The following ATP4A variants were observed in gnomAD, a reference collection of about 807,000 sequenced individuals.
The protein encoded by ATP4A is potassium-transporting ATPase alpha chain 1.
A neutral mutation model predicts 112.1 loss-of-function variants in ATP4A; 73 were observed. That is an observed-to-expected ratio of 0.65 (90% CI 0.54 to 0.79). The LOEUF (loss-of-function observed/expected upper bound fraction) is 0.79, where lower values mean the gene tolerates loss of function less well. ATP4A is among the 30% of genes least tolerant of loss of function. The pLI is 0.00. For missense variants in ATP4A, 1,081 were observed against 1,425.9 expected (o/e 0.76, Z 3.90); for synonymous variants, 588 against 588.9 (o/e 1.00, Z 0.02).
At chr19:35,562,352 C>A in intron 4 of ATP4A, 83 bp downstream of exon 4, 1 of 1,478,976 alleles carries the variant, frequency 6.8e-7, no homozygotes. Context: ...TCCTTCTCTG[C>A]CCCTCTTGTC....
rs766870345 is a variant in ATP4A, at chr19:35,560,417, C to T, written c.733G>A (p.Glu245Lys). The T allele has an allele frequency of 5.5e-5, 89 of 1,613,894 alleles. No homozygotes were observed. Among genetic ancestry groups the T allele is most frequent in the Non-Finnish European group, 6.6e-5 (78 of 1,180,012 alleles). The change falls in exon 6 of 22, where the codon GAG becomes AAG. Residue 245 changes from glutamate to lysine, a missense_variant. Transcript: ENST00000262623. The surrounding 1 kb of genome is among the most constrained non-coding windows in gnomAD (Gnocchi z 5.1). ...PQTRSPECTHESPLETRNIAF... is the reference protein window; with the variant it reads ...PQTRSPECTHKSPLETRNIAF... ...ATGTTGCGGGTCTCCAGAGGGCTCT[C>T]GTGCGTGCACTCGGGTGAGCGGGTC...
Position 35,560,748 on chromosome 19 carries a change from T to A in ATP4A, c.534+71A>T, listed in dbSNP as rs919942660. On this transcript the variant is annotated intron_variant, in intron 5 of 21. Coordinates refer to ENST00000262623, the MANE Select transcript of ATP4A (RefSeq NM_000704.3). This position sits in a 1 kb window ranked among gnomAD's most constrained non-coding sequence, Gnocchi z 5.1. ...AGGCCACAGATGAGGGACAGGGGCC[T>A]GATGGAAGGAGGCTACAGGAGCAGT... The A allele has an allele frequency of 3.8e-6, 6 of 1,587,300 alleles. No individual in the cohort carries two copies. In the African/African-American group the frequency reaches 8.1e-5, roughly 21 times the overall value.
chr19:35,552,631 T>C (rs2071607814), intron 18 of ATP4A, among the ~76,000 whole-genome samples: 1 of 152,218 alleles, frequency 6.6e-6, no homozygotes, highest in Admixed American at 6.5e-5. Context: ...TTAAGGGAAG[T>C]ATCCTCGTCT....
chr19:35,562,813 C>T (rs1329101017), intron 3 of ATP4A, among the ~76,000 whole-genome samples, 175 bp from the exon 4 acceptor site: 1 of 149,178 alleles, frequency 6.7e-6, no homozygotes, highest in Non-Finnish European at 1.5e-5. Flanking sequence ...CTTCATCTCT[C>T]CCTTTGTCTC....
chr19:35,555,757 AC>A lies in ATP4A; in HGVS notation c.1924del (p.Val642TrpfsTer22). 1.2e-6 allele frequency: 2 copies of A among 1,613,900 alleles called. No homozygotes were observed. Among genetic ancestry groups the A allele is most frequent in the Non-Finnish European group, 1.7e-6 (2 of 1,179,804 alleles). On this transcript the variant is annotated frameshift_variant, in exon 13 of 22. Coordinates refer to ENST00000262623, the MANE Select transcript of ATP4A (RefSeq NM_000704.3). LOFTEE classifies it high-confidence loss of function. The surrounding 1 kb of genome is among the most constrained non-coding windows in gnomAD (Gnocchi z 6.6). ...CTCGCTGCCTTCCGAGATGATGCCC[AC>A]ACTGGCTGCAATGGCCTTGGCGGTG... is the stretch of plus-strand genomic sequence containing the variant. ...PITAKAIAAS[V>X]GIISEGSETV...
At position 35,557,213 on chromosome 19, in the gene ATP4A, C is replaced by G; in HGVS notation, c.1694-125G>C. 1 of 1,060,260 alleles carries G rather than the reference C, an allele frequency of 9.4e-7. No individual in the cohort carries two copies. The highest frequency in any genetic ancestry group is 1.4e-6 in the Non-Finnish European group (1 of 731,784). 65.7% of individuals were successfully genotyped at this position (1,060,260 alleles called of 1,614,324 possible). ...CTATGGATGCCTGACCTTGTGCTGA[C>G]CCCTTCACTCACATTATCTGAATCT... On this transcript the variant is annotated intron_variant, in intron 11 of 21. Transcript: ENST00000262623. This position sits in a 1 kb window ranked among gnomAD's most constrained non-coding sequence, Gnocchi z 4.4.
At chr19:35,561,022 T>C (rs2071667906) in intron 4 of ATP4A, 90 bp from the exon 5 acceptor site, 1 of 1,125,280 alleles carries the variant, frequency 8.9e-7, no homozygotes, top group Admixed American at 1.9e-5. Flanking sequence ...CCTGGTTTTC[T>C]TGGTTTTCCC....
chr19:35,555,840 C>G lies in ATP4A; in HGVS notation c.1870-28G>C. ...GTAGGGGGAACCAGTGGATCACTGACCCCTTCAGATCAGCCCAATCTCCCT... is the reference window on the plus strand; with the variant it reads ...GTAGGGGGAACCAGTGGATCACTGAGCCCTTCAGATCAGCCCAATCTCCCT... On this transcript the variant is annotated intron_variant, in intron 12 of 21. Transcript: ENST00000262623. This position sits in a 1 kb window ranked among gnomAD's most constrained non-coding sequence, Gnocchi z 6.6. 5 of 1,587,122 alleles carry G rather than the reference C, an allele frequency of 3.2e-6. No homozygotes were observed. The highest frequency in any genetic ancestry group is 4.3e-6 in the Non-Finnish European group (5 of 1,160,634).
In ATP4A at chr19:35,550,787, C is replaced by T; in HGVS notation, c.3079+47G>A. On this transcript the variant is annotated intron_variant, in intron 21 of 21. Coordinates refer to ENST00000262623, the MANE Select transcript of ATP4A (RefSeq NM_000704.3). This position sits in a 1 kb window ranked among gnomAD's most constrained non-coding sequence, Gnocchi z 4.1. ...AGGATCAAAGGTGGGTGCAGCTGCT[C>T]AAACGTTTCAGTCCCCTGCCCCCAG... is the stretch of plus-strand genomic sequence containing the variant. The T allele has an allele frequency of 6.2e-7, 1 of 1,612,074 alleles. No homozygotes were observed. The highest frequency in any genetic ancestry group is 8.5e-7 in the Non-Finnish European group (1 of 1,178,238).
chr19:35,560,364 C>A lies in ATP4A; in HGVS notation c.786G>T (p.Glu262Asp). The A allele has an allele frequency of 6.2e-7, 1 of 1,613,646 alleles. No homozygotes were observed. Residue 262 changes from glutamate to aspartate, a missense_variant and splice_region_variant, in exon 6 of 22, where the codon GAG becomes GAT. Glu to Asp is a conservative substitution (Grantham distance 45, BLOSUM62 2). Around this residue, in one of 3 missense-constraint regions of ATP4A, gnomAD observed 850 missense variants for 1,068.2 expected, o/e 0.80. Coordinates refer to ENST00000262623, the MANE Select transcript of ATP4A (RefSeq NM_000704.3). The surrounding 1 kb of genome is among the most constrained non-coding windows in gnomAD (Gnocchi z 5.1). ...CAGGCAGGCGGGGGCTTCACAGACC[C>A]TCAAGGCACATGGTGGAGAAGAAGG... ...NIAFFSTMCL[E>D]GTVQGLVVNT...
chr19:35,553,936 A>T (rs2071616434), intron 16 of ATP4A, 107 bp from the exon 17 acceptor site: 5 of 1,447,774 alleles, frequency 3.5e-6, no homozygotes, highest in Non-Finnish European at 4.6e-6. Flanking sequence ...GACTGAGGTT[A>T]GCAGGCAGGA....
rs189356716 is a variant in ATP4A, at chr19:35,554,523, A to C, written c.2481+399T>G. On this transcript the variant is annotated intron_variant, in intron 16 of 21. Coordinates refer to ENST00000262623, the MANE Select transcript of ATP4A (RefSeq NM_000704.3). ...AGCTGCGCCTCTGGCTGCATTCGTGACTGTATCTGTGGTTCTTTTCTGTCT... is the reference window on the plus strand; with the variant it reads ...AGCTGCGCCTCTGGCTGCATTCGTGCCTGTATCTGTGGTTCTTTTCTGTCT... Among the ~76,000 whole-genome samples the C allele has an allele frequency of 6.3e-4, 96 of 152,210 alleles. 1 individual carries two copies. Among genetic ancestry groups the C allele is most frequent in the Admixed American group, 6.3e-3 (96 of 15,290 alleles).
At position 35,555,712 on chromosome 19, in the gene ATP4A, G is replaced by A; in HGVS notation, c.1970C>T (p.Ala657Val). ...CTGGTCTACGGGCACACGGAGGCGG[G>A]CAGCGATGTCCTCCACTGTCTCGCT... ...EGSETVEDIA[A>V]RLRVPVDQVN... Residue 657 changes from alanine (A) to valine (V), a missense_variant, in exon 13 of 22, where the codon GCC becomes GTC. Ala to Val is a moderately conservative substitution (Grantham distance 64, BLOSUM62 0). Transcript: ENST00000262623. The surrounding 1 kb of genome is among the most constrained non-coding windows in gnomAD (Gnocchi z 6.6). 6.2e-7 allele frequency: 1 copy of A among 1,610,872 alleles called. No individual in the cohort carries two copies.
In ATP4A at chr19:35,559,499, G is replaced by C. The variant is rs1349035144; in HGVS notation, c.1056+306C>G. On this transcript the variant is annotated intron_variant, in intron 7 of 21. Coordinates refer to ENST00000262623, the MANE Select transcript of ATP4A (RefSeq NM_000704.3). The surrounding 1 kb of genome is among the most constrained non-coding windows in gnomAD (Gnocchi z 4.1). Reference sequence around the variant, plus strand: ...CTTCCCCGCACCTCCCTGGGGACTGGTCTGGAGCTGGGTGCTGACTGTGGA... The same window carrying C: ...CTTCCCCGCACCTCCCTGGGGACTGCTCTGGAGCTGGGTGCTGACTGTGGA... 1.3e-5 allele frequency among the ~76,000 whole-genome samples: 2 copies of C among 152,242 alleles called. No individual in the cohort carries two copies. Among genetic ancestry groups the C allele is most frequent in the East Asian group, 1.9e-4 (1 of 5,198 alleles).
In ATP4A at chr19:35,550,501, G is replaced by T. The variant is rs2146305019; in HGVS notation, c.*114C>A. On this transcript the variant is annotated 3_prime_UTR_variant, in exon 22 of 22. Transcript: ENST00000262623. This position sits in a 1 kb window ranked among gnomAD's most constrained non-coding sequence, Gnocchi z 4.1. ...CCGTGGGCTACAGAAGCAGATACTG[G>T]TGGGGCTGGGACTCTTGGTTGCTCA... 1 of 1,395,190 alleles carries T rather than the reference G, an allele frequency of 7.2e-7. No homozygotes were observed. 86.4% of individuals were successfully genotyped at this position (1,395,190 alleles called of 1,614,324 possible). A position where few individuals can be genotyped will look rare whatever the true frequency, so the allele number is the denominator to read the frequency against.
intron 17 of ATP4A, 131 bp from the exon 18 acceptor site, chr19:35,553,313 G>A: frequency 1.0e-5 from 11 of 1,061,754 alleles, no homozygotes; most frequent in Non-Finnish European, 1.2e-5. Context: ...GACACGGGAA[G>A]AGAGACAGGG....
In ATP4A at chr19:35,559,384, T is replaced by G. The variant is rs571793743; in HGVS notation, c.1057-193A>C. The stretch of plus-strand genomic sequence containing the variant: ...TTTGTTTGGGACTCCTTCCCCAGTC[T>G]GCCCAGATACAGTAGCGAGGCCCCT... On this transcript the variant is annotated intron_variant, in intron 7 of 21. Transcript: ENST00000262623. The surrounding 1 kb of genome is among the most constrained non-coding windows in gnomAD (Gnocchi z 4.1). 1.2e-4 allele frequency among the ~76,000 whole-genome samples: 18 copies of G among 152,374 alleles called. No individual in the cohort carries two copies. Among genetic ancestry groups the G allele is most frequent in the Admixed American group, 2.0e-4 (3 of 15,302 alleles).
intron 12 of ATP4A, among the ~76,000 whole-genome samples, chr19:35,556,613 A>T (rs1310642302): frequency 6.6e-6 from 1 of 152,048 alleles, no homozygotes; most frequent in Non-Finnish European, 1.5e-5. Flanking sequence ...AGCAGGTGGG[A>T]GTTAAGTTTG....
chr19:35,560,803 G>A lies in ATP4A; in HGVS notation c.534+16C>T, dbSNP rs1568316108. 5 of 1,611,908 alleles carry A rather than the reference G, an allele frequency of 3.1e-6. No individual in the cohort carries two copies. In the South Asian group the frequency reaches 5.5e-5, roughly 18 times the overall value. The stretch of plus-strand genomic sequence containing the variant: ...AGTCTCTGGGATCTGGAGTGGCTGG[G>A]TGCTGGGGAACCCACCTGTGGCACA... On this transcript the variant is annotated intron_variant, in intron 5 of 21. Transcript: ENST00000262623. This position sits in a 1 kb window ranked among gnomAD's most constrained non-coding sequence, Gnocchi z 5.1.
Sources: gnomAD v4.1 joint callset for allele counts (sites outside exome capture counted in the v4.1 genomes callset) on GRCh38, gnomAD v4.1.1 for gene constraint, gnomAD v4.1.1 regional missense constraint, Gnocchi (gnomAD v3.1) non-coding constraint, MANE v1.5 for transcripts, NCBI Gene and HGNC (gene_info 2026-07-23, HGNC 2026-07-21) for gene names.